Variants in DTNA observed in about 807,000 individuals in gnomAD.
DTNA encodes the protein dystrophin-related protein 3.
DTNA carries 43 observed loss-of-function variants against 100.7 expected under a neutral mutation model. That is an observed-to-expected ratio of 0.43 (90% CI 0.33 to 0.55). The LOEUF (loss-of-function observed/expected upper bound fraction) is 0.55. Among genes scored for constraint, DTNA ranks in the 20% least tolerant of loss-of-function variants. The probability of loss-of-function intolerance (pLI) is 0.04; values close to 1 mark genes in which losing one functional copy is unlikely to be tolerated. For missense variants in DTNA, 798 were observed against 953.9 expected, an observed-to-expected ratio of 0.84 and a Z score of 2.15; for synonymous variants, 349 against 347.9, an observed-to-expected ratio of 1.00 and a Z score of -0.04.
chr18:34,659,486 G>A (rs1394174712), intron 1 of DTNA, among the ~76,000 whole-genome samples: 2 of 152,030 alleles, frequency 1.3e-5, no homozygotes, highest in African/African-American at 4.8e-5. Context: ...TATAAGGCAG[G>A]CACTTCTTTG....
intron 1 of DTNA, among the ~76,000 whole-genome samples, chr18:34,527,858 C>T (rs1372832547): frequency 6.6e-6 from 1 of 152,034 alleles, no homozygotes; most frequent in Non-Finnish European, 1.5e-5. Flanking sequence ...GTATCAAGCT[C>T]AATAAAGTCA....
At chr18:34,542,050 ATC>A (rs2044296191) in intron 1 of DTNA, among the ~76,000 whole-genome samples, 1 of 152,014 alleles carries the variant, frequency 6.6e-6, no homozygotes, top group Non-Finnish European at 1.5e-5. Context: ...GCACACAGAA[ATC>A]TCTGGGCATC....
In DTNA at chr18:34,584,298, C is replaced by A. The variant is rs1038759106; in HGVS notation, c.-2+90784C>A. Among the ~76,000 whole-genome samples the A allele has an allele frequency of 2.0e-5, 3 of 152,026 alleles. No individual in the cohort carries two copies. In the East Asian group the frequency reaches 5.8e-4, roughly 29 times the overall value. ...GGAGGAAAGTCTCCAACAAAGAGAC[C>A]AAAGCAAACTAACCAACAAGAAATG... On this transcript the variant is annotated intron_variant, in intron 1 of 19. Transcript: ENST00000283365.
intron 11 of DTNA, among the ~76,000 whole-genome samples, chr18:34,830,992 A>G (rs2095995278): frequency 6.6e-6 from 1 of 152,208 alleles, no homozygotes; most frequent in African/African-American, 2.4e-5. Context: ...AGGACTGACC[A>G]CAAAGCCAGG....
chr18:34,673,755 C>G (rs1013417818), intron 1 of DTNA, among the ~76,000 whole-genome samples: 5 of 152,256 alleles, frequency 3.3e-5, no homozygotes, highest in South Asian at 2.1e-4. Flanking sequence ...CTGTTGACAG[C>G]TATTTTGTCC....
Position 34,795,664 on chromosome 18 carries a change from T to C in DTNA, c.362+1414T>C, listed in dbSNP as rs77007252. On this transcript the variant is annotated intron_variant, in intron 4 of 22. Transcript: ENST00000444659. ...TGTCAAGAGACTTATTTGTTAGAAA[T>C]GTAACAATGGAAACTGCAAAAAGAG... is the stretch of plus-strand genomic sequence containing the variant. 8.3e-3 allele frequency among the ~76,000 whole-genome samples: 1,264 copies of C among 152,226 alleles called. 26 individuals are homozygous for C. Among genetic ancestry groups the C allele is most frequent in the African/African-American group, 0.029 (1,204 of 41,538 alleles).
chr18:34,868,636 A>C (rs112386664), intron 17 of DTNA: 2 of 985,308 alleles, frequency 2.0e-6, no homozygotes, highest in Admixed American at 6.1e-5. Flanking sequence ...GTGTGGTTCA[A>C]TGTAGTGTTT....
chr18:34,515,192 T>C lies in DTNA; in HGVS notation c.-2+21678T>C, dbSNP rs944951949. On this transcript the variant is annotated intron_variant, in intron 1 of 19. Coordinates refer to the DTNA transcript ENST00000283365. The stretch of plus-strand genomic sequence containing the variant: ...TTCCAAACAGGATTTTTCACTTCTC[T>C]TAGTAAGCTCACTGGTTTTGTTTGG... 5.3e-5 allele frequency among the ~76,000 whole-genome samples: 8 copies of C among 152,124 alleles called. 1 individual carries two copies. Among genetic ancestry groups the C allele is most frequent in the Admixed American group, 6.6e-5 (1 of 15,262 alleles).
chr18:34,528,112 T>A (rs1271173932), intron 1 of DTNA, among the ~76,000 whole-genome samples: 3 of 152,064 alleles, frequency 2.0e-5, no homozygotes, highest in Non-Finnish European at 4.4e-5. Context: ...TAAAACTCCA[T>A]CTGTTTCTAA....
chr18:34,615,347 C>T (rs2055043357), intron 1 of DTNA, among the ~76,000 whole-genome samples: 1 of 152,128 alleles, frequency 6.6e-6, no homozygotes, highest in Non-Finnish European at 1.5e-5. Context: ...CCACCTCTCA[C>T]TTTGGGGATT....
Position 34,855,348 on chromosome 18 carries a change from C to T in DTNA, c.1533-2937C>T, listed in dbSNP as rs552755222. ...TCACTAAATATGCAGGTTGCATTTA[C>T]AAGGGATTGACTAGAAGCTGGTGGG... On this transcript the variant is annotated intron_variant, in intron 15 of 22. Transcript: ENST00000444659. 4.3e-4 allele frequency among the ~76,000 whole-genome samples: 65 copies of T among 152,116 alleles called. 1 individual carries two copies. Among genetic ancestry groups the T allele is most frequent in the Non-Finnish European group, 8.8e-4 (60 of 68,026 alleles).
intron 1 of DTNA, among the ~76,000 whole-genome samples, chr18:34,589,619 A>G (rs1220832551): frequency 6.6e-6 from 1 of 152,068 alleles, no homozygotes; most frequent in Non-Finnish European, 1.5e-5. Context: ...AAAACAAAAC[A>G]AAACGAAAAA....
intron 1 of DTNA, among the ~76,000 whole-genome samples, chr18:34,500,715 C>T (rs1264706526): frequency 3.3e-5 from 5 of 151,864 alleles, no homozygotes; most frequent in African/African-American, 4.8e-5. Flanking sequence ...CCACCTGTAT[C>T]GGCCTCCCAA....
At chr18:34,881,977 A>C in intron 20 of DTNA, 92 bp from the exon 21 acceptor site, 1 of 1,559,554 alleles carries the variant, frequency 6.4e-7, no homozygotes, top group South Asian at 1.1e-5. Flanking sequence ...GGGGAAATAA[A>C]GGTGCCAACG....
At chr18:34,712,677 G>A (rs988754265) in intron 1 of DTNA, among the ~76,000 whole-genome samples, 1 of 152,068 alleles carries the variant, frequency 6.6e-6, no homozygotes, top group Non-Finnish European at 1.5e-5. Context: ...TTGCCAGGAT[G>A]TTTTAATTGT....
At chr18:34,728,939 A>G (rs1347914779) in intron 1 of DTNA, among the ~76,000 whole-genome samples, 1 of 152,140 alleles carries the variant, frequency 6.6e-6, no homozygotes, top group Non-Finnish European at 1.5e-5. Flanking sequence ...AATGGTCACC[A>G]TGGCCAAGTG....
At chr18:34,879,931 C>T (rs2096855909) in intron 20 of DTNA, among the ~76,000 whole-genome samples, 1 of 152,058 alleles carries the variant, frequency 6.6e-6, no homozygotes, top group Non-Finnish European at 1.5e-5. Flanking sequence ...TATCAATAAC[C>T]TAAACCAACC....
chr18:34,659,641 C>CAG (rs910831878), intron 1 of DTNA, among the ~76,000 whole-genome samples: 6 of 152,152 alleles, frequency 3.9e-5, no homozygotes, highest in African/African-American at 1.4e-4. Context: ...CAGACACACA[C>CAG]ACACACACAC....
At chr18:34,795,900 A>G (rs2094948159) in intron 4 of DTNA, among the ~76,000 whole-genome samples, 1 of 152,234 alleles carries the variant, frequency 6.6e-6, no homozygotes, top group South Asian at 2.1e-4. Flanking sequence ...ACTTCTAAAT[A>G]TAGAGCTATG....
Sources: gnomAD v4.1 joint callset for allele counts (sites outside exome capture counted in the v4.1 genomes callset) on GRCh38, gnomAD v4.1.1 for gene constraint, MANE v1.5 for transcripts, NCBI Gene and HGNC (gene_info 2026-07-23, HGNC 2026-07-21) for gene names.